NR6A1: variants seen among roughly 807,000 people sequenced by gnomAD.
NR6A1 encodes nuclear receptor subfamily 6 group A member 1.
NR6A1 carries 7 observed loss-of-function variants against 59.1 expected under a neutral mutation model. The observed-to-expected ratio is 0.12, with a 90% CI of 0.07 to 0.22. The LOEUF (loss-of-function observed/expected upper bound fraction) is 0.22. NR6A1 is among the 10% of genes least tolerant of loss of function. The probability of loss-of-function intolerance (pLI) is 1.00; values close to 1 mark genes in which losing one functional copy is unlikely to be tolerated. For synonymous variants in NR6A1, 243 were observed against 236.1 expected (o/e 1.03, Z -0.27); for missense variants, 468 against 611.6 (o/e 0.77, Z 2.48).
At chr9:124,541,957 T>TCTAA (rs1833460585) in intron 4 of NR6A1, among the ~76,000 whole-genome samples, 1 of 152,212 alleles carries the variant, frequency 6.6e-6, no homozygotes. Flanking sequence ...TTATGAGGTA[T>TCTAA]CTAAAGTAGT....
chr9:124,525,284 AACACACACACACACACACACACAC>A (rs71492413), intron 8 of NR6A1, among the ~76,000 whole-genome samples: 19 of 137,396 alleles, frequency 1.4e-4, no homozygotes, highest in African/African-American at 5.0e-4. Context: ...ATGCTTGTAA[AACACACACACACACACACACACAC>A]ACACACACAC....
chr9:124,722,033 TA>T (rs1303171191), intron 2 of NR6A1, among the ~76,000 whole-genome samples: 1 of 152,222 alleles, frequency 6.6e-6, no homozygotes, highest in Non-Finnish European at 1.5e-5. Flanking sequence ...CTGTGCATAG[TA>T]AATATTAGCT....
intron 2 of NR6A1, among the ~76,000 whole-genome samples, chr9:124,709,642 A>G (rs1434787147): frequency 6.6e-6 from 1 of 152,122 alleles, no homozygotes; most frequent in Non-Finnish European, 1.5e-5. Flanking sequence ...AGAGAAAACA[A>G]ATACTTTTGC....
intron 7 of NR6A1, among the ~76,000 whole-genome samples, chr9:124,534,132 GCA>G (rs1833183144): frequency 6.6e-6 from 1 of 150,424 alleles, no homozygotes; most frequent in South Asian, 2.1e-4. Context: ...GAGTGCAATG[GCA>G]CAATCTCAGC....
At chr9:124,591,674 G>A (rs764482470) in intron 2 of NR6A1, among the ~76,000 whole-genome samples, 30 of 152,148 alleles carry the variant, frequency 2.0e-4, no homozygotes, top group Non-Finnish European at 4.3e-4. Context: ...ATTAATGCAA[G>A]GTCCTTGGAT....
At chr9:124,612,387 T>C (rs1835773961) in intron 2 of NR6A1, among the ~76,000 whole-genome samples, 1 of 152,142 alleles carries the variant, frequency 6.6e-6, no homozygotes, top group Non-Finnish European at 1.5e-5. Context: ...AAAAAAACAG[T>C]TCCAGGACTG....
At chr9:124,750,458 T>G (rs1388570675) in intron 1 of NR6A1, among the ~76,000 whole-genome samples, 1 of 152,094 alleles carries the variant, frequency 6.6e-6, no homozygotes, top group Admixed American at 6.6e-5. Flanking sequence ...CATAAAGGCA[T>G]CTTTAAAAAA....
chr9:124,596,886 C>T (rs370540107), intron 2 of NR6A1, among the ~76,000 whole-genome samples: 1 of 152,140 alleles, frequency 6.6e-6, no homozygotes, highest in Admixed American at 6.5e-5. Context: ...GTGGAATGTC[C>T]CCAAGAGAAA....
intron 1 of NR6A1, chr9:124,770,125 G>A (rs1279396991): frequency 6.6e-6 from 1 of 152,380 alleles, no homozygotes; most frequent in African/African-American, 2.4e-5. Context: ...ATCGGGACAA[G>A]AAAGAGGAGA....
At chr9:124,745,649 C>T (rs990892963) in intron 1 of NR6A1, among the ~76,000 whole-genome samples, 8 of 140,422 alleles carry the variant, frequency 5.7e-5, no homozygotes, top group Non-Finnish European at 9.1e-5. Flanking sequence ...CCAGCCTGGG[C>T]AACAAGAGTG....
At chr9:124,583,207 T>C (rs373074497) in intron 2 of NR6A1, among the ~76,000 whole-genome samples, 2 of 143,702 alleles carry the variant, frequency 1.4e-5, no homozygotes, top group Admixed American at 7.1e-5. Context: ...GTGGGAAAAG[T>C]TTGGATAAGA....
At chr9:124,711,847 G>A (rs1047317489) in intron 2 of NR6A1, among the ~76,000 whole-genome samples, 2 of 152,170 alleles carry the variant, frequency 1.3e-5, no homozygotes, top group Admixed American at 6.5e-5. Context: ...GGCTGGTCTT[G>A]AACTCTGCAG....
chr9:124,589,190 T>TA lies in NR6A1; in HGVS notation c.143-34621dup, dbSNP rs532864555. 5.5e-3 allele frequency among the ~76,000 whole-genome samples: 840 copies of TA among 152,266 alleles called. 6 individuals carry two copies. Among genetic ancestry groups the TA allele is most frequent in the African/African-American group, 0.019 (798 of 41,554 alleles). Reference sequence around the variant, plus strand: ...AGGCCAGGCCGGTGGCTCACGCCTGTAATCCCAGCACTTTGGGTGGCTGAG... The same window carrying TA: ...AGGCCAGGCCGGTGGCTCACGCCTGTAAATCCCAGCACTTTGGGTGGCTGAG... On this transcript the variant is annotated intron_variant, in intron 2 of 9. Transcript: ENST00000487099.
intron 2 of NR6A1, among the ~76,000 whole-genome samples, chr9:124,603,581 G>A (rs575068521): frequency 5.3e-5 from 8 of 152,280 alleles, no homozygotes; most frequent in African/African-American, 1.7e-4. Flanking sequence ...CATCAGTGTA[G>A]AACCACCTGT....
chr9:124,629,037 C>G (rs1836342151), intron 2 of NR6A1, among the ~76,000 whole-genome samples: 1 of 152,244 alleles, frequency 6.6e-6, no homozygotes, highest in Non-Finnish European at 1.5e-5. Context: ...AAGCCAAAGA[C>G]AGGCCAAAGA....
chr9:124,544,628 A>G (rs1404097234), intron 3 of NR6A1, among the ~76,000 whole-genome samples: 4 of 152,202 alleles, frequency 2.6e-5, no homozygotes, highest in Admixed American at 2.6e-4. Flanking sequence ...TTGAGCGAAC[A>G]GTGTACAAAA....
intron 2 of NR6A1, among the ~76,000 whole-genome samples, chr9:124,583,695 T>C (rs1834837936): frequency 6.6e-6 from 1 of 152,170 alleles, no homozygotes; most frequent in Non-Finnish European, 1.5e-5. Flanking sequence ...TTGTTTCACA[T>C]TGTCAGGCAT....
At chr9:124,704,289 G>A (rs1167404347) in intron 2 of NR6A1, among the ~76,000 whole-genome samples, 4 of 152,170 alleles carry the variant, frequency 2.6e-5, no homozygotes, top group South Asian at 2.1e-4. Context: ...CAAATTTGTC[G>A]ATCTTTTCAG....
At chr9:124,629,990 AC>A (rs1312128031) in intron 2 of NR6A1, among the ~76,000 whole-genome samples, 1 of 152,226 alleles carries the variant, frequency 6.6e-6, no homozygotes, top group African/African-American at 2.4e-5. Flanking sequence ...ATTTTGAGAT[AC>A]TAAAGTAGTA....
Sources: allele counts gnomAD v4.1 joint callset (sites outside exome capture counted in the v4.1 genomes callset), GRCh38; gene constraint gnomAD v4.1.1; transcripts MANE v1.5; gene names NCBI Gene and HGNC (gene_info 2026-07-23, HGNC 2026-07-21).